PRDM16: variants seen among roughly 807,000 people sequenced by gnomAD.
PRDM16 encodes histone-lysine N-methyltransferase PRDM16.
PRDM16 carries 23 observed loss-of-function variants against 110.6 expected under a neutral mutation model. The observed-to-expected ratio is 0.21, with a 90% confidence interval of 0.15 to 0.29. The LOEUF (loss-of-function observed/expected upper bound fraction) is 0.29, where lower values mean the gene tolerates loss of function less well. Ranked by LOEUF, PRDM16 falls within the 10% of genes least tolerant of loss-of-function variation. The pLI is 1.00. For missense variants in PRDM16, 1,615 were observed against 1,794.3 expected, an observed-to-expected ratio of 0.90 and a Z score of 1.81; for synonymous variants, 799 against 781.8, an observed-to-expected ratio of 1.02 and a Z score of -0.37.
chr1:3,245,946 C>A lies in PRDM16; in HGVS notation c.438+1809C>A, dbSNP rs559454974. 3.0e-4 allele frequency among the ~76,000 whole-genome samples: 45 copies of A among 152,284 alleles called. No individual in the cohort carries two copies. Among genetic ancestry groups the A allele is most frequent in the African/African-American group, 1.1e-3 (44 of 41,560 alleles). ...AGACGCCCTCCTTGGCTGCGCCTCT[C>A]CTGAATGCCTCATGGAGGTGGCCTG... On this transcript the variant is annotated intron_variant, in intron 3 of 16. Transcript: ENST00000270722. This position sits in a 1 kb window ranked among gnomAD's most constrained non-coding sequence, Gnocchi z 4.7.
chr1:3,211,862 C>T (rs375667162), intron 2 of PRDM16, among the ~76,000 whole-genome samples: 21 of 152,334 alleles, frequency 1.4e-4, no homozygotes, highest in East Asian at 1.2e-3. Context: ...GGCCTGGGCC[C>T]GGCGTGAGTG....
rs556382792 is a variant in PRDM16, at chr1:3,111,298, C to T, written c.37+42002C>T. 6.1e-4 allele frequency among the ~76,000 whole-genome samples: 93 copies of T among 152,058 alleles called. 1 individual carries two copies. The highest frequency in any genetic ancestry group is 3.7e-3 in the Admixed American group (57 of 15,288). ...GGCCTTAGTGGGGTGCGGGCAGCAC[C>T]GGCCTCTGTGTGATCCTGCACTGGG... On this transcript the variant is annotated intron_variant, in intron 1 of 16. Transcript: ENST00000270722.
Position 3,353,158 on chromosome 1 carries a change from G to A in PRDM16, c.439-31994G>A, listed in dbSNP as rs1389755917. Among the ~76,000 whole-genome samples, 1 of 152,228 alleles carries A rather than the reference G, an allele frequency of 6.6e-6. No homozygotes were observed. ...CTCCCACGCAGGGACGTCCCTCACAGCAGGATTTGCTGCTTCCTCCTGACC... is the reference window on the plus strand; with the variant it reads ...CTCCCACGCAGGGACGTCCCTCACAACAGGATTTGCTGCTTCCTCCTGACC... On this transcript the variant is annotated intron_variant, in intron 3 of 16. Transcript: ENST00000270722. The surrounding 1 kb of genome is among the most constrained non-coding windows in gnomAD (Gnocchi z 5.4).
At chr1:3,234,410 GC>G (rs976217264) in intron 2 of PRDM16, among the ~76,000 whole-genome samples, 9 of 152,206 alleles carry the variant, frequency 5.9e-5, no homozygotes, top group Admixed American at 6.5e-5. Context: ...TCCCCAGGCT[GC>G]CCCGGCCAGG....
chr1:3,249,307 T>TATGC (rs1017906649), intron 3 of PRDM16, among the ~76,000 whole-genome samples: 23 of 152,174 alleles, frequency 1.5e-4, no homozygotes, highest in African/African-American at 4.8e-4. Context: ...GAGGCGCTGC[T>TATGC]ATGCATGCAT....
chr1:3,388,626 C>T (rs1457750436), intron 4 of PRDM16, among the ~76,000 whole-genome samples: 2 of 152,186 alleles, frequency 1.3e-5, no homozygotes, highest in Non-Finnish European at 2.9e-5. Flanking sequence ...AGGAGAGAGG[C>T]CGCTCTGAAC....
At position 3,363,161 on chromosome 1, in the gene PRDM16, G is replaced by T. The variant is rs79114223; in HGVS notation, c.439-21991G>T. Among the ~76,000 whole-genome samples the T allele has an allele frequency of 2.0e-5, 3 of 152,254 alleles. No homozygotes were observed. In the East Asian group the frequency reaches 5.8e-4, roughly 30 times the overall value. On this transcript the variant is annotated intron_variant, in intron 3 of 16. Transcript: ENST00000270722. ...GCAGATGCTCAAAGTCCTCCAGCCC[G>T]GGGGTCGGGTGGTAAAAGGCTGCTG...
At chr1:3,399,629 C>T (rs72849681) in intron 5 of PRDM16, among the ~76,000 whole-genome samples, 1,735 of 152,318 alleles carry the variant, frequency 0.011, 33 homozygotes, top group African/African-American at 0.038. Context: ...CCATCACGTC[C>T]AGGGCACCCT....
intron 3 of PRDM16, chr1:3,308,736 C>T (rs1460956181): frequency 2.0e-5 from 3 of 152,244 alleles, no homozygotes; most frequent in Non-Finnish European, 4.4e-5. Flanking sequence ...CTGGGTTTCG[C>T]CCAGTGAGGG....
intron 1 of PRDM16, among the ~76,000 whole-genome samples, chr1:3,171,929 C>T (rs1644030057): frequency 6.6e-6 from 1 of 152,066 alleles, no homozygotes; most frequent in African/African-American, 2.4e-5. Context: ...CAGGTGCAAG[C>T]CCCCCGGCCT....
intron 1 of PRDM16, among the ~76,000 whole-genome samples, chr1:3,130,932 C>T (rs916470517): frequency 3.4e-4 from 51 of 152,208 alleles, no homozygotes; most frequent in Middle Eastern, 6.8e-3. Flanking sequence ...GTGCCCTGTT[C>T]AGGTTAGGTG....
intron 10 of PRDM16, among the ~76,000 whole-genome samples, chr1:3,416,156 G>C (rs914020053): frequency 2.0e-5 from 3 of 152,184 alleles, no homozygotes; most frequent in Non-Finnish European, 4.4e-5. Context: ...GTTTCTTTCT[G>C]GGTATTTTTA....
intron 1 of PRDM16, among the ~76,000 whole-genome samples, chr1:3,115,885 C>T (rs368277642): frequency 3.9e-5 from 6 of 152,216 alleles, no homozygotes; most frequent in African/African-American, 9.7e-5. Context: ...TTTGAAGTCT[C>T]GGGTGTCAGG....
At chr1:3,267,896 G>A (rs550648164) in intron 3 of PRDM16, among the ~76,000 whole-genome samples, 2 of 152,240 alleles carry the variant, frequency 1.3e-5, no homozygotes, top group Non-Finnish European at 2.9e-5. Context: ...AGTCAGAAGT[G>A]GAATCCAAGC....
intron 3 of PRDM16, among the ~76,000 whole-genome samples, chr1:3,250,300 C>T (rs1055474059): frequency 1.3e-5 from 2 of 152,134 alleles, no homozygotes; most frequent in African/African-American, 2.4e-5. Context: ...TCTGACCTCT[C>T]GCCACCTCGC....
chr1:3,268,408 C>T (rs78982119), intron 3 of PRDM16, among the ~76,000 whole-genome samples: 4,208 of 152,318 alleles, frequency 0.028, 204 homozygotes, highest in African/African-American at 0.095. Context: ...GGATAATTAA[C>T]GTGTGCACTT....
intron 3 of PRDM16, among the ~76,000 whole-genome samples, chr1:3,377,385 C>T (rs755058051): frequency 1.6e-4 from 25 of 152,338 alleles, no homozygotes; most frequent in Non-Finnish European, 2.1e-4. Flanking sequence ...ACGGGGCCGG[C>T]GGCTGGCCAT....
At chr1:3,240,103 G>GAGGAA (rs1557551026) in intron 2 of PRDM16, among the ~76,000 whole-genome samples, 3 of 138,000 alleles carry the variant, frequency 2.2e-5, no homozygotes, top group African/African-American at 8.1e-5. Flanking sequence ...GAGGAGAGGA[G>GAGGAA]AGGAGGAGAA....
At chr1:3,419,027 G>T (rs1300905153) in intron 12 of PRDM16, among the ~76,000 whole-genome samples, 1 of 152,166 alleles carries the variant, frequency 6.6e-6, no homozygotes. Flanking sequence ...GGTGTTCACT[G>T]GGGCAGGGGA....
Sources: allele counts gnomAD v4.1 joint callset (sites outside exome capture counted in the v4.1 genomes callset), GRCh38; gene constraint gnomAD v4.1.1; non-coding constraint Gnocchi (gnomAD v3.1); transcripts MANE v1.5; gene names NCBI Gene and HGNC (gene_info 2026-07-23, HGNC 2026-07-21).